RSPO2: variants seen among roughly 807,000 people sequenced by gnomAD.
RSPO2 encodes the protein R-spondin-2.
RSPO2 carries 14 observed loss-of-function variants against 30.9 expected under a neutral mutation model. The observed-to-expected ratio is 0.45, with a 90% CI of 0.30 to 0.71. The LOEUF is 0.71. Among genes scored for constraint, RSPO2 ranks in the 30% least tolerant of loss-of-function variants. The pLI is 0.08. For synonymous variants in RSPO2, 107 were observed against 96.4 expected, an observed-to-expected ratio of 1.11 and a Z score of -0.64; for missense variants, 264 against 301.9, an observed-to-expected ratio of 0.87 and a Z score of 0.93.
chr8:107,909,748 G>T (rs1425511942), intron 5 of RSPO2, among the ~76,000 whole-genome samples: 1 of 152,096 alleles, frequency 6.6e-6, no homozygotes, highest in African/African-American at 2.4e-5. Flanking sequence ...CTGTAACTTA[G>T]ATTTTCTGTA....
At chr8:107,957,363 G>A (rs779244092) in intron 5 of RSPO2, among the ~76,000 whole-genome samples, 1 of 152,180 alleles carries the variant, frequency 6.6e-6, no homozygotes, top group Non-Finnish European at 1.5e-5. Flanking sequence ...TTTAGGGACA[G>A]CACAGTGACA....
At chr8:108,007,286 C>T (rs1359749857) in intron 2 of RSPO2, among the ~76,000 whole-genome samples, 1 of 152,168 alleles carries the variant, frequency 6.6e-6, no homozygotes, top group Non-Finnish European at 1.5e-5. Flanking sequence ...TGCGGCCACA[C>T]AGATTCACCA....
chr8:107,952,695 C>T (rs534257726), intron 5 of RSPO2, among the ~76,000 whole-genome samples: 1 of 152,272 alleles, frequency 6.6e-6, no homozygotes, highest in South Asian at 2.1e-4. Flanking sequence ...ATGCTTATTT[C>T]CTGCTCTGGG....
At chr8:107,984,867 T>C (rs1285098079) in intron 3 of RSPO2, among the ~76,000 whole-genome samples, 1 of 152,200 alleles carries the variant, frequency 6.6e-6, no homozygotes, top group Non-Finnish European at 1.5e-5. Context: ...AATGGGAAGT[T>C]AGTGAGTGGG....
chr8:107,940,672 C>A (rs2196182), intron 5 of RSPO2, among the ~76,000 whole-genome samples: 1,715 of 152,238 alleles, frequency 0.011, 40 homozygotes, highest in African/African-American at 0.039. Context: ...GTCTAGCAAG[C>A]AATGTAGATT....
Position 108,082,947 on chromosome 8 carries a change from G to T in RSPO2, c.-169-140C>A, listed in dbSNP as rs188706557. On this transcript the variant is annotated intron_variant, in intron 1 of 5. Transcript: ENST00000276659. Reference sequence around the variant, plus strand: ...ACTGCCTAGCACGAGCCGCGGAGCGGCTTAATCCAGAGCGGGCAGCTGCGG... The same window carrying T: ...ACTGCCTAGCACGAGCCGCGGAGCGTCTTAATCCAGAGCGGGCAGCTGCGG... 263 of 337,348 alleles carry T rather than the reference G, an allele frequency of 7.8e-4. 3 individuals carry two copies. The East Asian group carries it at 0.011, about 14-fold the overall frequency. 20.9% of individuals were successfully genotyped at this position (337,348 alleles called of 1,614,324 possible).
rs559466121 is a variant in RSPO2, at chr8:107,993,306, G to A, written c.95-4062C>T. Among the ~76,000 whole-genome samples the A allele has an allele frequency of 1.1e-4, 17 of 152,218 alleles. No individual in the cohort carries two copies. The South Asian group carries it at 3.5e-3, about 32-fold the overall frequency. ...AAGATGTAATATATGTATAAAATAT[G>A]GGTAGGAAGAAACAATCCGAATATC... On this transcript the variant is annotated intron_variant, in intron 2 of 5. Coordinates refer to ENST00000276659, the MANE Select transcript of RSPO2 (RefSeq NM_178565.5).
chr8:108,028,920 CCAAA>C (rs1404092879), intron 2 of RSPO2, among the ~76,000 whole-genome samples: 1 of 150,642 alleles, frequency 6.6e-6, no homozygotes, highest in Non-Finnish European at 1.5e-5. Flanking sequence ...CTTGCAGGTA[CCAAA>C]CATTCATAAC....
At position 107,989,054 on chromosome 8, in the gene RSPO2, A is replaced by T; in HGVS notation, c.283+2T>A. The T allele has an allele frequency of 6.3e-7, 1 of 1,594,628 alleles. No individual in the cohort carries two copies. Among genetic ancestry groups the T allele is most frequent in the East Asian group, 2.3e-5 (1 of 44,198 alleles). On this transcript the variant is annotated splice_donor_variant, in intron 3 of 5. Coordinates refer to ENST00000276659, the MANE Select transcript of RSPO2 (RefSeq NM_178565.5). LOFTEE classifies it high-confidence loss of function. ...ACAGGATAGACAAAACCAAATGCTC[A>T]CTTGCACATCTGTTCATATCTGGGG...
intron 5 of RSPO2, among the ~76,000 whole-genome samples, chr8:107,952,572 G>A (rs1813289555): frequency 6.6e-6 from 1 of 152,102 alleles, no homozygotes; most frequent in Admixed American, 6.6e-5. Context: ...ACTCTTTAGG[G>A]TGACATGTAT....
At chr8:108,019,992 C>G (rs911727473) in intron 2 of RSPO2, among the ~76,000 whole-genome samples, 3 of 151,190 alleles carry the variant, frequency 2.0e-5, no homozygotes, top group Non-Finnish European at 4.4e-5. Context: ...CCCAGACCTT[C>G]TGGCAGTTAG....
chr8:107,954,588 TTTTA>T (rs540847094), intron 5 of RSPO2, among the ~76,000 whole-genome samples: 383 of 37,216 alleles, frequency 0.01, 1 homozygote, highest in Non-Finnish European at 0.025. Context: ...ATTGTCCATC[TTTTA>T]TTTATTTATT....
rs376580762 is a variant in RSPO2, at chr8:108,000,730, G to A, written c.95-11486C>T. ...AATTCTCCAGGGAACTCCCGGGCAC[G>A]GTGGCTCATGCCTGTAATCCCAGCA... On this transcript the variant is annotated intron_variant, in intron 2 of 5. Transcript: ENST00000276659. Among the ~76,000 whole-genome samples, 512 of 152,054 alleles carry A rather than the reference G, an allele frequency of 3.4e-3. 2 individuals are homozygous for A. Among genetic ancestry groups the A allele is most frequent in the South Asian group, 0.016 (78 of 4,816 alleles).
chr8:107,925,004 G>A (rs1303700722), intron 5 of RSPO2, among the ~76,000 whole-genome samples: 6 of 151,966 alleles, frequency 3.9e-5, no homozygotes, highest in African/African-American at 1.5e-4. Flanking sequence ...TCACTATCCT[G>A]CACTCAGATA....
chr8:107,938,714 C>A (rs900856062), intron 5 of RSPO2, among the ~76,000 whole-genome samples: 1 of 152,126 alleles, frequency 6.6e-6, no homozygotes, highest in African/African-American at 2.4e-5. Context: ...ATCTGGCCAG[C>A]CAAGCTGGGA....
chr8:107,983,187 A>G, intron 3 of RSPO2: 3 of 1,555,698 alleles, frequency 1.9e-6, no homozygotes, highest in Non-Finnish European at 2.6e-6. Flanking sequence ...TATTAGCTGT[A>G]GGCAAATACG....
rs1211522253 is a variant in RSPO2 at position 107,958,142 on chromosome 8, A to G, written c.554T>C (p.Ile185Thr). 1.2e-6 allele frequency: 2 copies of G among 1,613,762 alleles called. No homozygotes were observed. Among genetic ancestry groups the G allele is most frequent in the South Asian group, 2.2e-5 (2 of 91,082 alleles). ...QIVKKPVKDT[I>T]LCPTIAESRR... ...GGATTCAGCAATGGTTGGACACAGT[A>G]TTGTGTCTTTCACTGGCTTTTTAAC... The change falls in exon 5 of 6, where the codon ATA becomes ACA. Residue 185 changes from isoleucine to threonine, a missense_variant. Transcript: ENST00000276659.
chr8:107,982,781 T>G (rs1344091767), intron 3 of RSPO2, among the ~76,000 whole-genome samples: 1 of 152,164 alleles, frequency 6.6e-6, no homozygotes, highest in East Asian at 1.9e-4. Flanking sequence ...ACCACTTACT[T>G]CTCCGCAAGC....
intron 3 of RSPO2, among the ~76,000 whole-genome samples, chr8:107,977,699 A>G (rs1368085806): frequency 1.3e-5 from 2 of 152,132 alleles, no homozygotes. Context: ...TAATTTTCCC[A>G]ATATATGGCC....
Sources: allele counts gnomAD v4.1 joint callset (sites outside exome capture counted in the v4.1 genomes callset), GRCh38; gene constraint gnomAD v4.1.1; transcripts MANE v1.5; gene names NCBI Gene and HGNC (gene_info 2026-07-23, HGNC 2026-07-21).